Variants in KSR1 observed in about 807,000 individuals in gnomAD.
KSR1 encodes kinase suppressor of ras.
A neutral mutation model predicts 92.9 loss-of-function variants in KSR1; 35 were observed. The ratio of observed to expected loss-of-function variants is 0.38; its 90% CI spans 0.29 to 0.50. KSR1 has a LOEUF of 0.50. Ranked by LOEUF, KSR1 falls within the 20% of genes least tolerant of loss-of-function variation. The probability of loss-of-function intolerance (pLI) is 0.94; values close to 1 mark genes in which losing one functional copy is unlikely to be tolerated. For synonymous variants in KSR1, 467 were observed against 472.6 expected, an observed-to-expected ratio of 0.99 and a Z score of 0.15; for missense variants, 972 against 1,158.5, an observed-to-expected ratio of 0.84 and a Z score of 2.34.
Position 27,538,309 on chromosome 17 carries a change from G to A in KSR1, c.232-12259G>A, listed in dbSNP as rs191495234. 7.3e-3 allele frequency among the ~76,000 whole-genome samples: 1,119 copies of A among 152,314 alleles called. 10 individuals are homozygous for A. The highest frequency in any genetic ancestry group is 0.026 in the African/African-American group (1,078 of 41,558). On this transcript the variant is annotated intron_variant, in intron 1 of 20. Coordinates refer to ENST00000644974, the MANE Select transcript of KSR1 (RefSeq NM_001394583.1). ...GTGTGCTGGTTTTGCAGCTGAACAG[G>A]GATACTGTCTCTGGTTTTCCAGGCA... is the stretch of plus-strand genomic sequence containing the variant.
chr17:27,617,874 G>C (rs1208773145), intron 19 of KSR1: 1 of 166,884 alleles, frequency 6.0e-6, no homozygotes, highest in Non-Finnish European at 1.3e-5. Flanking sequence ...AGGTCACCCA[G>C]AGGTGACTAG....
In KSR1 at chr17:27,597,336, C is replaced by T. The variant is rs1350364471; in HGVS notation, c.1368C>T (p.Pro456=). The T allele has an allele frequency of 6.2e-7, 1 of 1,612,718 alleles. No individual in the cohort carries two copies. Among genetic ancestry groups the T allele is most frequent in the Non-Finnish European group, 8.5e-7 (1 of 1,179,440 alleles). ...SNPSSTTSST[P]SSPAPFPTSS... ...CTTCCTCCACCACCTCCTCCACACC[C>T]TCCTCACCGGCGCCCTTCCCGACAT... Residue 456 remains proline (P), a synonymous_variant, in exon 10 of 21, where the codon CCC becomes CCT. Transcript: ENST00000644974.
intron 3 of KSR1, among the ~76,000 whole-genome samples, chr17:27,581,851 A>C (rs759183034): frequency 2.0e-5 from 3 of 152,158 alleles, no homozygotes; most frequent in Non-Finnish European, 4.4e-5. Flanking sequence ...CAGGCACAGG[A>C]TCATGGTAGG....
At chr17:27,571,570 T>TGACCAGGAACA (rs1022433636) in intron 2 of KSR1, among the ~76,000 whole-genome samples, 2 of 152,242 alleles carry the variant, frequency 1.3e-5, no homozygotes, top group African/African-American at 4.8e-5. Context: ...TTGGCCTCTC[T>TGACCAGGAACA]GGTCTGACCA....
At chr17:27,607,861 G>T in intron 14 of KSR1, 53 bp from the exon 15 acceptor site, 2 of 1,364,618 alleles carry the variant, frequency 1.5e-6, no homozygotes, top group South Asian at 1.2e-5. Flanking sequence ...CCAGGGTTGG[G>T]GTCAGGCCGC....
chr17:27,610,279 T>C, intron 17 of KSR1, 81 bp downstream of exon 17: 1 of 1,575,100 alleles, frequency 6.3e-7, no homozygotes, highest in Non-Finnish European at 8.6e-7. Context: ...GAGGGAGGCA[T>C]GCTTTTAGGT....
chr17:27,590,389 A>G (rs1396215755), intron 6 of KSR1, among the ~76,000 whole-genome samples: 5 of 152,188 alleles, frequency 3.3e-5, no homozygotes, highest in African/African-American at 7.2e-5. Context: ...GTCAGCTCCT[A>G]TTGATGGACA....
chr17:27,609,448 A>C (rs978153024), intron 16 of KSR1, 119 bp downstream of exon 16: 2 of 1,372,806 alleles, frequency 1.5e-6, no homozygotes, highest in Non-Finnish European at 2.0e-6. Flanking sequence ...AGGGAAGCCC[A>C]GGTCGCTTTG....
At chr17:27,467,961 G>A (rs2019783066) in intron 1 of KSR1, among the ~76,000 whole-genome samples, 2 of 151,784 alleles carry the variant, frequency 1.3e-5, no homozygotes, top group South Asian at 4.2e-4. Context: ...ACAGGTGCCT[G>A]CCATTATGCC....
intron 1 of KSR1, among the ~76,000 whole-genome samples, chr17:27,523,691 C>T (rs1366386715): frequency 2.6e-5 from 4 of 152,226 alleles, no homozygotes; most frequent in African/African-American, 9.6e-5. Flanking sequence ...GGTGGGTCCA[C>T]AAAGTCATTA....
At chr17:27,507,909 C>G (rs900905901) in intron 1 of KSR1, among the ~76,000 whole-genome samples, 21 of 152,106 alleles carry the variant, frequency 1.4e-4, no homozygotes, top group Non-Finnish European at 8.8e-5. Flanking sequence ...CTAGAACATA[C>G]CAAGTACATC....
intron 1 of KSR1, among the ~76,000 whole-genome samples, chr17:27,514,354 A>G (rs577113379): frequency 2.6e-5 from 4 of 152,316 alleles, no homozygotes; most frequent in Admixed American, 2.6e-4. Context: ...TTGCTTGGCT[A>G]TATATTTCAG....
intron 6 of KSR1, among the ~76,000 whole-genome samples, chr17:27,590,226 G>A (rs1400615798): frequency 6.6e-6 from 1 of 152,146 alleles, no homozygotes; most frequent in Non-Finnish European, 1.5e-5. Flanking sequence ...TCCTGTACTT[G>A]AACTTCGTGT....
chr17:27,560,198 C>G (rs574115542), intron 2 of KSR1: 2 of 326,708 alleles, frequency 6.1e-6, no homozygotes, highest in African/African-American at 4.4e-5. Context: ...CCACAAGTTA[C>G]GTCTAAAAGT....
chr17:27,493,207 T>A (rs1436123963), intron 1 of KSR1, among the ~76,000 whole-genome samples: 1 of 152,208 alleles, frequency 6.6e-6, no homozygotes, highest in Admixed American at 6.5e-5. Context: ...TTTATACATA[T>A]AAATGAAGAA....
intron 14 of KSR1, among the ~76,000 whole-genome samples, chr17:27,606,219 C>T (rs2151233685): frequency 6.6e-6 from 1 of 152,252 alleles, no homozygotes; most frequent in Admixed American, 6.5e-5. Flanking sequence ...GTCAAGGCTG[C>T]AGCGAGCCAA....
intron 15 of KSR1, among the ~76,000 whole-genome samples, chr17:27,608,690 C>T (rs905153719): frequency 2.5e-4 from 38 of 152,180 alleles, no homozygotes; most frequent in African/African-American, 9.2e-4. Flanking sequence ...TCCAGGGCTC[C>T]TTCTACTACA....
intron 1 of KSR1, among the ~76,000 whole-genome samples, chr17:27,505,078 A>G (rs1457671896): frequency 6.6e-6 from 1 of 152,202 alleles, no homozygotes; most frequent in Non-Finnish European, 1.5e-5. Context: ...TCTTACCTTG[A>G]GAGGGATTGG....
intron 16 of KSR1, 44 bp from the exon 17 acceptor site, chr17:27,610,023 C>A: frequency 6.2e-7 from 1 of 1,609,112 alleles, no homozygotes; most frequent in Non-Finnish European, 8.5e-7. Context: ...TCTTTGCTGC[C>A]TGCTGAAAGG....
Sources: allele counts gnomAD v4.1 joint callset (sites outside exome capture counted in the v4.1 genomes callset), GRCh38; gene constraint gnomAD v4.1.1; transcripts MANE v1.5; gene names NCBI Gene and HGNC (gene_info 2026-07-23, HGNC 2026-07-21).